Variants in C6orf89 observed in about 807,000 individuals in gnomAD.
The protein encoded by C6orf89 is bombesin receptor-activated protein C6orf89.
In C6orf89, 29 loss-of-function variants were observed where a neutral mutation model predicts 40.7. The observed-to-expected ratio is 0.71, with a 90% CI of 0.53 to 0.97. The LOEUF (loss-of-function observed/expected upper bound fraction) is 0.97. C6orf89 is among the 50% of genes least tolerant of loss of function. The pLI, the probability that C6orf89 is intolerant of heterozygous loss-of-function variation, is 0.00. For synonymous variants in C6orf89, 165 were observed against 152.2 expected, an observed-to-expected ratio of 1.08 and a Z score of -0.62; for missense variants, 392 against 429.1, an observed-to-expected ratio of 0.91 and a Z score of 0.76.
At chr6:36,898,068 C>T (rs1761508658) in intron 2 of C6orf89, among the ~76,000 whole-genome samples, 1 of 151,862 alleles carries the variant, frequency 6.6e-6, no homozygotes, top group African/African-American at 2.4e-5. Context: ...TTTAAATAGC[C>T]ATTTAATTAT....
At chr6:36,882,069 G>A (rs907008756), upstream of C6orf89, among the ~76,000 whole-genome samples, 4 of 152,088 alleles carry the variant, frequency 2.6e-5, no homozygotes, top group African/African-American at 9.7e-5. Flanking sequence ...AAAAATGGTT[G>A]AGGAAGGAAA....
At chr6:36,916,329 A>G in intron 6 of C6orf89, 116 bp from the exon 7 acceptor site, 1 of 1,179,140 alleles carries the variant, frequency 8.5e-7, no homozygotes, top group Non-Finnish European at 1.2e-6. Context: ...TACTGTACTC[A>G]TATTTTTCCC....
At position 36,874,793 on chromosome 6, in the gene C6orf89, G is replaced by A. The variant is rs896535498; in HGVS notation, c.-628+2826G>A. The A allele has an allele frequency of 3.1e-6, 5 of 1,613,552 alleles. No homozygotes were observed. The Admixed American group carries it at 6.7e-5, about 22-fold the overall frequency. ...GCCATAGCGAAGCCGGCGGCGGAAT[G>A]CTTGTCTAGTAATTGCTACTTCCGG... On this transcript the variant is annotated intron_variant, in intron 1 of 9. Coordinates refer to the C6orf89 transcript ENST00000359359.
intron 8 of C6orf89, among the ~76,000 whole-genome samples, chr6:36,921,700 C>A (rs1254834627): frequency 6.6e-6 from 1 of 152,024 alleles, no homozygotes; most frequent in Non-Finnish European, 1.5e-5. Context: ...AACATGAGAT[C>A]TACCCTCTCA....
upstream of C6orf89, among the ~76,000 whole-genome samples, chr6:36,882,727 CT>C (rs1561854588): frequency 1.7e-5 from 1 of 57,458 alleles, no homozygotes; most frequent in South Asian, 5.2e-4. Flanking sequence ...TTTTTTTTTT[CT>C]TTTTTCTTTT....
chr6:36,882,713 C>CTT (rs1168220528), upstream of C6orf89, among the ~76,000 whole-genome samples: 11,973 of 115,074 alleles, frequency 0.1, 466 homozygotes, highest in African/African-American at 0.13. Flanking sequence ...TTGTCATTTT[C>CTT]TTTTTTTTTT....
In C6orf89 at chr6:36,927,751, C is replaced by A. The variant is rs1312058160; in HGVS notation, c.*4310C>A. 2 of 152,228 alleles carry A rather than the reference C, an allele frequency of 1.3e-5. No individual in the cohort carries two copies. The highest frequency in any genetic ancestry group is 3.8e-4 in the East Asian group (2 of 5,198). The allele number at this position is 152,228 out of a possible 1,614,324, so 9.4% of individuals were successfully genotyped here. A position where few individuals can be genotyped will look rare whatever the true frequency, so the allele number is the denominator to read the frequency against. ...GGTCAGGAAGCTAGGAGAGTGAAGG[C>A]GCTTGTGGAGACAGCTCTGTAGCAA... On this transcript the variant is annotated 3_prime_UTR_variant, in exon 9 of 9. Transcript: ENST00000480824.
At chr6:36,902,853 C>T (rs1465244492) in intron 4 of C6orf89, among the ~76,000 whole-genome samples, 1 of 152,172 alleles carries the variant, frequency 6.6e-6, no homozygotes, top group Admixed American at 6.5e-5. Flanking sequence ...TCTAACAGTC[C>T]TTGGCCTATT....
chr6:36,887,287 A>G (rs1301250710), intron 1 of C6orf89, among the ~76,000 whole-genome samples: 2 of 152,248 alleles, frequency 1.3e-5, no homozygotes, highest in African/African-American at 4.8e-5. Context: ...CATAAAATGA[A>G]TAAACCATGA....
At chr6:36,916,641 C>G (rs770885611) in intron 7 of C6orf89, 67 bp downstream of exon 7, 6 of 1,590,514 alleles carry the variant, frequency 3.8e-6, no homozygotes, top group Non-Finnish European at 3.4e-6. Flanking sequence ...GATGTCATAA[C>G]CAAGGCCTTC....
chr6:36,885,512 A>G (rs1774940388), upstream of C6orf89, among the ~76,000 whole-genome samples: 1 of 152,140 alleles, frequency 6.6e-6, no homozygotes, highest in Admixed American at 6.5e-5. Flanking sequence ...AGCTCTCACT[A>G]ATGAGTGGGC....
intron 1 of C6orf89, among the ~76,000 whole-genome samples, chr6:36,872,155 T>C (rs1774524234): frequency 6.6e-6 from 1 of 151,840 alleles, no homozygotes. Context: ...TACATATGTA[T>C]ATATATATAG....
chr6:36,890,622 C>T (rs1280411927), intron 1 of C6orf89, among the ~76,000 whole-genome samples: 7 of 152,216 alleles, frequency 4.6e-5, no homozygotes, highest in African/African-American at 1.7e-4. Flanking sequence ...CAACCTCCAC[C>T]TCCCAGGTTC....
chr6:36,873,086 T>A (rs1034743082), intron 1 of C6orf89, among the ~76,000 whole-genome samples: 5 of 152,238 alleles, frequency 3.3e-5, no homozygotes, highest in African/African-American at 1.2e-4. Context: ...AGTTACTCTG[T>A]GTGTGGTACT....
intron 7 of C6orf89, 138 bp from the exon 8 acceptor site, chr6:36,919,440 G>C: frequency 9.5e-7 from 1 of 1,056,764 alleles, no homozygotes; most frequent in South Asian, 1.7e-5. Flanking sequence ...GCAAATTTTT[G>C]TTATTGGTTC....
chr6:36,913,835 C>T (rs1244956197), intron 4 of C6orf89, among the ~76,000 whole-genome samples: 4 of 146,480 alleles, frequency 2.7e-5, no homozygotes, highest in African/African-American at 7.4e-5. Flanking sequence ...ACCTTTTCAG[C>T]GGTCTCCAGT....
At position 36,927,243 on chromosome 6, in the gene C6orf89, G is replaced by A. The variant is rs886619046; in HGVS notation, c.*3802G>A. The stretch of plus-strand genomic sequence containing the variant: ...TCCCTTCTACCAAAACCCAGCATAG[G>A]ACTCAGTGTACACTTACTTTAAAAC... On this transcript the variant is annotated 3_prime_UTR_variant, in exon 9 of 9. Transcript: ENST00000480824. 2.6e-5 allele frequency: 4 copies of A among 152,164 alleles called. No individual in the cohort carries two copies. Among genetic ancestry groups the A allele is most frequent in the African/African-American group, 9.7e-5 (4 of 41,426 alleles). 9.4% of individuals were successfully genotyped at this position (152,164 alleles called of 1,614,324 possible).
rs1762437036 is a variant in C6orf89, at chr6:36,919,440, G to A, written c.826-138G>A. ...CTTTTGGACATAATTGCAAATTTTT[G>A]TTATTGGTTCTATTTCCTCTTTGCT... On this transcript the variant is annotated intron_variant, in intron 7 of 8. Coordinates refer to ENST00000480824, the MANE Select transcript of C6orf89 (RefSeq NM_001286635.2). 10 of 1,056,646 alleles carry A rather than the reference G, an allele frequency of 9.5e-6. No homozygotes were observed. The South Asian group carries it at 1.5e-4, about 16-fold the overall frequency. 65.5% of individuals were successfully genotyped at this position (1,056,646 alleles called of 1,614,324 possible).
intron 2 of C6orf89, among the ~76,000 whole-genome samples, chr6:36,897,763 T>G (rs1583164587): frequency 1.3e-5 from 2 of 152,326 alleles, no homozygotes; most frequent in Non-Finnish European, 2.9e-5. Context: ...GGAGGCACAC[T>G]GCTGGAAGAG....
Sources: allele counts gnomAD v4.1 joint callset (sites outside exome capture counted in the v4.1 genomes callset), GRCh38; gene constraint gnomAD v4.1.1; transcripts MANE v1.5; gene names NCBI Gene and HGNC (gene_info 2026-07-23, HGNC 2026-07-21).